The following NSUN2 variants were observed in gnomAD, a reference collection of about 807,000 sequenced individuals.
NSUN2 encodes RNA cytosine C(5)-methyltransferase NSUN2.
In NSUN2, 63 loss-of-function variants were observed where a neutral mutation model predicts 92.7. That is an observed-to-expected ratio of 0.68 (90% CI 0.56 to 0.84). The LOEUF (loss-of-function observed/expected upper bound fraction) is 0.84. Among genes scored for constraint, NSUN2 ranks in the 40% least tolerant of loss-of-function variants. The pLI is 0.00. For synonymous variants in NSUN2, 356 were observed against 348.3 expected, an observed-to-expected ratio of 1.02 and a Z score of -0.25; for missense variants, 989 against 964.9, an observed-to-expected ratio of 1.02 and a Z score of -0.33.
chr5:6,631,888 G>A lies in NSUN2; in HGVS notation c.344C>T (p.Pro115Leu). 1.2e-6 allele frequency: 2 copies of A among 1,612,826 alleles called. No individual in the cohort carries two copies. The highest frequency in any genetic ancestry group is 1.7e-6 in the Non-Finnish European group (2 of 1,178,900). Residue 115 changes from proline to leucine, a missense_variant, in exon 3 of 19, where the codon CCA becomes CTA. By Grantham distance (98) the Pro-to-Leu change is moderately conservative. Coordinates refer to ENST00000264670, the MANE Select transcript of NSUN2 (RefSeq NM_017755.6). ...LEVDGQKVEV[P>L]QPLSWYPEEL... is the part of the protein sequence containing the mutation. ...TGGTACCTACCAACTCAGTGGCTGT[G>A]GAACTTCAACTTTCTGACCGTCCAC...
chr5:6,617,885 C>T, intron 8 of NSUN2, 65 bp downstream of exon 8: 1 of 1,271,168 alleles, frequency 7.9e-7, no homozygotes. Flanking sequence ...TGCTCACTTG[C>T]ATAACAATAA....
intron 18 of NSUN2, among the ~76,000 whole-genome samples, chr5:6,601,163 TAAA>T (rs3836786): frequency 0.22 from 33,498 of 151,010 alleles, 4,309 homozygotes; most frequent in African/African-American, 0.33. Context: ...CCCATCTTCT[TAAA>T]AAAAAAAAAC....
In NSUN2 at chr5:6,620,317, A is replaced by G; in HGVS notation, c.623-19T>C. 6.5e-7 allele frequency: 1 copy of G among 1,529,458 alleles called. No individual in the cohort carries two copies. The allele number at this position is 1,529,458 out of a possible 1,614,324, so 94.7% of individuals were successfully genotyped here. On this transcript the variant is annotated intron_variant, in intron 6 of 18. Transcript: ENST00000264670. ...AATCCCTCTGAAGGCACAGAATTGC[A>G]GTGTCAGGTGAAATGGAGCCTAAGT...
In NSUN2 at chr5:6,614,118, A is replaced by C. The variant is rs1402065466; in HGVS notation, c.1022-2320T>G. Among the ~76,000 whole-genome samples the C allele has an allele frequency of 2.2e-4, 10 of 45,490 alleles. 1 individual carries two copies. Among genetic ancestry groups the C allele is most frequent in the African/African-American group, 4.8e-4 (5 of 10,450 alleles). The allele number at this position is 45,490 out of a possible 152,430, so 29.8% of individuals were successfully genotyped here. A position where few individuals can be genotyped will look rare whatever the true frequency, so the allele number is the denominator to read the frequency against. On this transcript the variant is annotated intron_variant, in intron 9 of 18. Transcript: ENST00000264670. ...CGGAAAAAAAAAAAAAAAAAAAAAAAAAAACCCACAACACACACATATAGA... is the reference window on the plus strand; with the variant it reads ...CGGAAAAAAAAAAAAAAAAAAAAAACAAAACCCACAACACACACATATAGA...
chr5:6,604,693 T>TA lies in NSUN2; in HGVS notation c.1738-9dup, dbSNP rs1221441534. The TA allele has an allele frequency of 1.2e-5, 20 of 1,608,238 alleles. No individual in the cohort carries two copies. Among genetic ancestry groups the TA allele is most frequent in the Non-Finnish European group, 1.6e-5 (19 of 1,175,510 alleles). ...GATCCCCGTGTTAATAACCTGTAAGTAAAAAAATAAGATGAAACACAGAGA... is the reference window on the plus strand; with the variant it reads ...GATCCCCGTGTTAATAACCTGTAAGTAAAAAAAATAAGATGAAACACAGAGA... On this transcript the variant is annotated splice_polypyrimidine_tract_variant and intron_variant, in intron 15 of 18. Transcript: ENST00000264670.
chr5:6,608,115 G>A (rs957910950), intron 12 of NSUN2, among the ~76,000 whole-genome samples: 5 of 152,222 alleles, frequency 3.3e-5, no homozygotes, highest in African/African-American at 7.2e-5. Flanking sequence ...AAGCTACTGA[G>A]CAGAGAAGCC....
In NSUN2 at chr5:6,606,293, G is replaced by GT. The variant is rs905815163; in HGVS notation, c.1601+526dup. Among the ~76,000 whole-genome samples, 48 of 151,742 alleles carry GT rather than the reference G, an allele frequency of 3.2e-4. 2 individuals carry two copies. The East Asian group carries it at 6.6e-3, about 21-fold the overall frequency. On this transcript the variant is annotated intron_variant, in intron 14 of 18. Transcript: ENST00000264670. ...CATAATCACAGTCCAGTTTTCTTTT[G>GT]TTTTTTTTGAGACGGAGTCTCGCTC... is the stretch of plus-strand genomic sequence containing the variant.
intron 11 of NSUN2, 52 bp downstream of exon 11, chr5:6,610,903 G>C: frequency 6.2e-7 from 1 of 1,604,794 alleles, no homozygotes; most frequent in Admixed American, 1.7e-5. Flanking sequence ...GCTCACCAGG[G>C]ATGGGGCTTA....
At chr5:6,614,739 C>G (rs1737142575) in intron 9 of NSUN2, among the ~76,000 whole-genome samples, 1 of 152,184 alleles carries the variant, frequency 6.6e-6, no homozygotes, top group African/African-American at 2.4e-5. Flanking sequence ...ACAGAGCACA[C>G]AGCATGTTCT....
intron 15 of NSUN2, chr5:6,604,945 G>A: frequency 1.7e-6 from 1 of 598,658 alleles, no homozygotes; most frequent in South Asian, 2.0e-5. Context: ...AATCCCAAGG[G>A]TCGGGGCAGC....
chr5:6,604,765 C>G (rs1359729228), intron 15 of NSUN2, 80 bp from the exon 16 acceptor site: 1 of 1,186,676 alleles, frequency 8.4e-7, no homozygotes, highest in Non-Finnish European at 1.3e-6. Context: ...CCACATGGAG[C>G]AACCGTCACG....
At chr5:6,606,079 A>G (rs573604403) in intron 14 of NSUN2, among the ~76,000 whole-genome samples, 2 of 152,208 alleles carry the variant, frequency 1.3e-5, no homozygotes, top group Admixed American at 6.5e-5. Flanking sequence ...AATTCAATGA[A>G]TAAGAAACAG....
At chr5:6,621,341 GTAA>G (rs969505958) in intron 6 of NSUN2, 8 of 151,612 alleles carry the variant, frequency 5.3e-5, no homozygotes, top group South Asian at 2.1e-4. Flanking sequence ...AAGGCAGTAA[GTAA>G]TAATAATAAT....
In NSUN2 at chr5:6,632,895, G is replaced by T; in HGVS notation, c.85C>A (p.Arg29Ser). The change falls in exon 1 of 19, where the codon CGC becomes AGC. Residue 29 changes from arginine (R) to serine (S), a missense_variant. By Grantham distance (110) the Arg-to-Ser change is moderately radical. This residue lies in a region of NSUN2 where 356 missense variants were observed against 338.6 expected (regional missense o/e 1.05). Transcript: ENST00000264670. ...AEDGAEGGGK[R>S]GEAGWEGGYP... ...GTCCCGGCTCCTACCGCCTCGCCGC[G>T]CTTTCCACCACCCTCGGCGCCATCC... 2.0e-6 allele frequency: 3 copies of T among 1,530,922 alleles called. No homozygotes were observed. Among genetic ancestry groups the T allele is most frequent in the Non-Finnish European group, 2.6e-6 (3 of 1,144,116 alleles). 94.8% of individuals were successfully genotyped at this position (1,530,922 alleles called of 1,614,324 possible).
Position 6,600,000 on chromosome 5 carries a change from G to A in NSUN2, c.2230C>T (p.Pro744Ser), listed in dbSNP as rs767395121. The A allele has an allele frequency of 1.2e-6, 2 of 1,614,214 alleles. No individual in the cohort carries two copies. The highest frequency in any genetic ancestry group is 1.7e-6 in the Non-Finnish European group (2 of 1,180,040). ...EGQRAGEPNS[P>S]DAEEANSPDV... ...GGACTGTTGGCCTCTTCTGCATCTG[G>A]GCTGTTGGGCTCTCCTGCTCTCTGT... The change falls in exon 19 of 19, where the codon CCA becomes TCA. Residue 744 changes from proline to serine, a missense_variant. Around this residue, in one of 3 missense-constraint regions of NSUN2, gnomAD observed 626 missense variants for 602.3 expected, o/e 1.04. Coordinates refer to ENST00000264670, the MANE Select transcript of NSUN2 (RefSeq NM_017755.6).
rs1452650796 is a variant in NSUN2 at position 6,600,089 on chromosome 5, C to G, written c.2141G>C (p.Gly714Ala). The G allele has an allele frequency of 6.2e-7, 1 of 1,614,216 alleles. No homozygotes were observed. Among genetic ancestry groups the G allele is most frequent in the African/African-American group, 1.3e-5 (1 of 75,042 alleles). Reference protein sequence around the residue: ...LEVLGEKKKEGVILTNESAAS... With the variant: ...LEVLGEKKKEAVILTNESAAS... ...TGCACTCTCATTTGTGAGGATAACC[C>G]CTTCCTTCTTCTTTTCTCCCAATAC... Residue 714 changes from glycine to alanine, a missense_variant, in exon 19 of 19, where the codon GGG (glycine) becomes GCG (alanine). Coordinates refer to ENST00000264670, the MANE Select transcript of NSUN2 (RefSeq NM_017755.6).
chr5:6,614,913 A>G (rs1460193620), intron 9 of NSUN2, among the ~76,000 whole-genome samples: 1 of 152,178 alleles, frequency 6.6e-6, no homozygotes, highest in Non-Finnish European at 1.5e-5. Flanking sequence ...CTCTCACCTA[A>G]GAACTCAGGA....
chr5:6,601,961 C>T (rs563529897), intron 18 of NSUN2, among the ~76,000 whole-genome samples: 53 of 151,450 alleles, frequency 3.5e-4, no homozygotes, highest in Admixed American at 1.4e-3. Flanking sequence ...TCCCCCAAGG[C>T]CCCCCACAAG....
chr5:6,602,331 A>G, intron 18 of NSUN2, 130 bp downstream of exon 18: 2 of 857,432 alleles, frequency 2.3e-6, no homozygotes, highest in South Asian at 3.0e-5. Flanking sequence ...TCACAAGGCT[A>G]CTTCTGAGGA....
Sources: gnomAD v4.1 joint callset for allele counts (sites outside exome capture counted in the v4.1 genomes callset) on GRCh38, gnomAD v4.1.1 for gene constraint, gnomAD v4.1.1 regional missense constraint, MANE v1.5 for transcripts, NCBI Gene and HGNC (gene_info 2026-07-23, HGNC 2026-07-21) for gene names.